Variants in GBE1 observed in about 807,000 individuals in gnomAD.
GBE1 encodes the protein 1,4-alpha-glucan-branching enzyme.
GBE1 carries 70 observed loss-of-function variants against 88.8 expected under a neutral mutation model. The ratio of observed to expected loss-of-function variants is 0.79; its 90% CI spans 0.65 to 0.96. The LOEUF (loss-of-function observed/expected upper bound fraction) is 0.96, where lower values mean the gene tolerates loss of function less well. Ranked by LOEUF, GBE1 falls within the 40% of genes least tolerant of loss-of-function variation. The probability of loss-of-function intolerance (pLI) is 0.00; values close to 1 mark genes in which losing one functional copy is unlikely to be tolerated. For synonymous variants in GBE1, 284 were observed against 300.1 expected (o/e 0.95, Z 0.56); for missense variants, 872 against 871.0 (o/e 1.00, Z -0.01).
intron 7 of GBE1, among the ~76,000 whole-genome samples, chr3:81,640,926 A>AT (rs1704669231): frequency 6.6e-6 from 1 of 152,086 alleles, no homozygotes; most frequent in Non-Finnish European, 1.5e-5. Context: ...AGTTAATTCA[A>AT]TAAAAAAGAA....
chr3:81,558,968 T>G (rs1170316766), intron 12 of GBE1, among the ~76,000 whole-genome samples: 1 of 152,022 alleles, frequency 6.6e-6, no homozygotes, highest in Non-Finnish European at 1.5e-5. Flanking sequence ...TTGCCCTCAT[T>G]TAGTTGGGGG....
intron 3 of GBE1, among the ~76,000 whole-genome samples, 193 bp downstream of exon 3, chr3:81,670,645 C>G (rs1164219412): frequency 6.6e-6 from 1 of 151,978 alleles, no homozygotes; most frequent in Non-Finnish European, 1.5e-5. Flanking sequence ...GGTTCCTTAC[C>G]AGCCAAACAA....
intron 14 of GBE1, among the ~76,000 whole-genome samples, chr3:81,513,106 G>A (rs771665749): frequency 6.6e-6 from 1 of 151,596 alleles, no homozygotes; most frequent in African/African-American, 2.4e-5. Flanking sequence ...ATAGGTCAAG[G>A]TGGGGAGAAT....
At chr3:81,597,468 TATATATATCTCAAA>T (rs1703973067) in intron 7 of GBE1, among the ~76,000 whole-genome samples, 1 of 138,262 alleles carries the variant, frequency 7.2e-6, no homozygotes, top group East Asian at 2.2e-4. Context: ...CTCAAATATA[TATATATATCTCAAA>T]ATATATATAT....
intron 12 of GBE1, among the ~76,000 whole-genome samples, chr3:81,558,215 C>T (rs990537497): frequency 3.3e-5 from 5 of 151,908 alleles, no homozygotes; most frequent in Admixed American, 2.6e-4. Context: ...TTTCCTAGTT[C>T]TTTTATTATA....
chr3:81,604,935 C>T (rs145014672), intron 7 of GBE1, among the ~76,000 whole-genome samples: 10 of 152,068 alleles, frequency 6.6e-5, no homozygotes, highest in Admixed American at 2.0e-4. Context: ...ATCATCTTTC[C>T]GTATTGTTTA....
intron 7 of GBE1, among the ~76,000 whole-genome samples, chr3:81,635,499 G>A (rs932528483): frequency 6.6e-6 from 1 of 152,234 alleles, no homozygotes; most frequent in South Asian, 2.1e-4. Context: ...TTATTTATCT[G>A]CAGCATAACA....
At chr3:81,608,006 A>C (rs1234632408) in intron 7 of GBE1, among the ~76,000 whole-genome samples, 2 of 152,220 alleles carry the variant, frequency 1.3e-5, no homozygotes, top group African/African-American at 4.8e-5. Context: ...CTGTTCATCT[A>C]AGATTAACTG....
At chr3:81,644,734 A>C (rs1704741148) in intron 6 of GBE1, among the ~76,000 whole-genome samples, 1 of 152,198 alleles carries the variant, frequency 6.6e-6, no homozygotes. Flanking sequence ...GGGGAAAGAC[A>C]GCATGAGAAA....
chr3:81,658,528 C>T (rs1400110682), intron 3 of GBE1, among the ~76,000 whole-genome samples: 1 of 152,060 alleles, frequency 6.6e-6, no homozygotes, highest in Non-Finnish European at 1.5e-5. Flanking sequence ...AAACCAGGTC[C>T]TGACTTAGAA....
intron 1 of GBE1, among the ~76,000 whole-genome samples, chr3:81,737,159 G>C (rs1706267951): frequency 6.6e-6 from 1 of 150,700 alleles, no homozygotes; most frequent in South Asian, 2.1e-4. Flanking sequence ...TTAACTAAGA[G>C]AGAGATGGTA....
intron 2 of GBE1, among the ~76,000 whole-genome samples, chr3:81,700,713 C>A (rs780773433): frequency 1.1e-4 from 17 of 152,034 alleles, no homozygotes; most frequent in Admixed American, 6.6e-5. Flanking sequence ...ATAGACAAAA[C>A]TGGCCCAAAA....
rs919449876 is a variant in GBE1, at chr3:81,489,840, C to A, written c.*567G>T. ...GGACAAGAGATCACAAAATAAAACA[C>A]AAAATGAGACACGGATGAGTTCATA... On this transcript the variant is annotated 3_prime_UTR_variant, in exon 16 of 16. Coordinates refer to ENST00000429644, the MANE Select transcript of GBE1 (RefSeq NM_000158.4). 6.6e-6 allele frequency: 1 copy of A among 151,920 alleles called. No individual in the cohort carries two copies. The highest frequency in any genetic ancestry group is 6.6e-5 in the Admixed American group (1 of 15,240). The allele number at this position is 151,920 out of a possible 1,614,324, so 9.4% of individuals were successfully genotyped here.
At chr3:81,742,993 C>G (rs1706371459) in intron 1 of GBE1, among the ~76,000 whole-genome samples, 1 of 152,074 alleles carries the variant, frequency 6.6e-6, no homozygotes, top group Non-Finnish European at 1.5e-5. Flanking sequence ...CAAGCTAGAC[C>G]AGACCCCTAG....
intron 1 of GBE1, among the ~76,000 whole-genome samples, chr3:81,710,731 T>G (rs934096037): frequency 1.7e-4 from 26 of 152,208 alleles, no homozygotes; most frequent in Admixed American, 1.5e-3. Flanking sequence ...CACTATAGTA[T>G]ACTTTTTACT....
chr3:81,510,204 C>A (rs1029983546), intron 14 of GBE1, among the ~76,000 whole-genome samples: 1 of 152,036 alleles, frequency 6.6e-6, no homozygotes, highest in Non-Finnish European at 1.5e-5. Flanking sequence ...TTAGGTATAA[C>A]AGTTTCTACC....
At chr3:81,630,735 A>C (rs1398356158) in intron 7 of GBE1, among the ~76,000 whole-genome samples, 1 of 152,190 alleles carries the variant, frequency 6.6e-6, no homozygotes. Flanking sequence ...AATACGTCAA[A>C]TACCTTGTTT....
intron 7 of GBE1, among the ~76,000 whole-genome samples, chr3:81,635,187 C>A (rs1049531047): frequency 2.0e-5 from 3 of 152,124 alleles, no homozygotes; most frequent in African/African-American, 7.2e-5. Flanking sequence ...CTTGGGGAGA[C>A]AGTTAAACCT....
At chr3:81,558,939 A>G (rs537036459) in intron 12 of GBE1, among the ~76,000 whole-genome samples, 1 of 152,188 alleles carries the variant, frequency 6.6e-6, no homozygotes, top group South Asian at 2.1e-4. Flanking sequence ...CTTTGATGTT[A>G]TATTTGCCCA....
Sources: gnomAD v4.1 joint callset for allele counts (sites outside exome capture counted in the v4.1 genomes callset) on GRCh38, gnomAD v4.1.1 for gene constraint, MANE v1.5 for transcripts, NCBI Gene and HGNC (gene_info 2026-07-23, HGNC 2026-07-21) for gene names.